Variants in JAK2 observed in about 807,000 individuals in gnomAD.
JAK2 encodes the protein Janus kinase 2.
JAK2 carries 86 observed loss-of-function variants against 139.3 expected under a neutral mutation model. The ratio of observed to expected loss-of-function variants is 0.62; its 90% CI spans 0.52 to 0.74. JAK2 has a LOEUF of 0.74. Ranked by LOEUF, JAK2 falls within the 30% of genes least tolerant of loss-of-function variation. The pLI is 0.00. For synonymous variants in JAK2, 490 were observed against 437.7 expected (o/e 1.12, Z -1.49); for missense variants, 1,421 against 1,360.3 (o/e 1.04, Z -0.70).
At chr9:5,112,720 G>A (rs1290593310) in intron 22 of JAK2, 3 of 802,148 alleles carry the variant, frequency 3.7e-6, no homozygotes, top group Non-Finnish European at 3.7e-6. Context: ...AGCGGAACCT[G>A]AATCCCAAAA....
chr9:5,113,882 A>G (rs1822887414), intron 22 of JAK2: 1 of 211,464 alleles, frequency 4.7e-6, no homozygotes, highest in Admixed American at 5.6e-5. Flanking sequence ...CCCACCGTGA[A>G]GATCTTACAG....
At chr9:5,003,502 T>A (rs1266858809) in intron 2 of JAK2, among the ~76,000 whole-genome samples, 6 of 152,044 alleles carry the variant, frequency 3.9e-5, no homozygotes, top group African/African-American at 1.4e-4. Context: ...TATTTTTAAA[T>A]GTTCATTTAA....
chr9:5,118,940 C>T (rs922084224), intron 22 of JAK2, among the ~76,000 whole-genome samples: 1 of 152,050 alleles, frequency 6.6e-6, no homozygotes, highest in Non-Finnish European at 1.5e-5. Context: ...GAAAAGTATA[C>T]CAAAAAGCTT....
chr9:5,114,514 C>T (rs890913060), intron 22 of JAK2: 19 of 467,776 alleles, frequency 4.1e-5, no homozygotes, highest in East Asian at 2.7e-4. Flanking sequence ...GTGTTTGCAA[C>T]GCTAGAAGAG....
Position 5,126,925 on chromosome 9 carries a change from T to C in JAK2, c.*134T>C. The C allele has an allele frequency of 4.2e-6, 2 of 476,958 alleles. No homozygotes were observed. Among genetic ancestry groups the C allele is most frequent in the Non-Finnish European group, 7.1e-6 (2 of 279,844 alleles). 29.5% of individuals were successfully genotyped at this position (476,958 alleles called of 1,614,324 possible). A position where few individuals can be genotyped will look rare whatever the true frequency, so the allele number is the denominator to read the frequency against. ...GCTAGCCAGCAAAGATGTGAAAATA[T>C]CTGCTCAAAACTTTCAAAGTTTAGT... On this transcript the variant is annotated 3_prime_UTR_variant, in exon 25 of 25. Coordinates refer to ENST00000381652, the MANE Select transcript of JAK2 (RefSeq NM_004972.4).
intron 2 of JAK2, among the ~76,000 whole-genome samples, chr9:4,992,102 T>C (rs1391379367): frequency 6.6e-6 from 1 of 152,180 alleles, no homozygotes; most frequent in East Asian, 1.9e-4. Flanking sequence ...TTGGGAAGAA[T>C]TGCCAGCCAG....
rs139087749 is a variant in JAK2 at position 5,022,172 on chromosome 9, A to G, written c.185A>G (p.Tyr62Cys). The change falls in exon 3 of 25, where the codon TAT becomes TGT. Residue 62 changes from tyrosine (Y) to cysteine (C), a missense_variant. By Grantham distance (194) the Tyr-to-Cys change is radical. Transcript: ENST00000381652. ...ADYLTFPSGE[Y>C]VAEEICIAAS... The stretch of plus-strand genomic sequence containing the variant: ...TATCTGACCTTTCCATCTGGGGAGT[A>G]TGTTGCAGAAGAAATCTGTATTGCT... 2 of 1,614,180 alleles carry G rather than the reference A, an allele frequency of 1.2e-6. No homozygotes were observed. The highest frequency in any genetic ancestry group is 2.2e-5 in the East Asian group (1 of 44,886).
chr9:5,010,493 A>G lies in JAK2; in HGVS notation c.-25-11470A>G, dbSNP rs1280324387. On this transcript the variant is annotated intron_variant, in intron 2 of 24. Coordinates refer to ENST00000381652, the MANE Select transcript of JAK2 (RefSeq NM_004972.4). Reference sequence around the variant, plus strand: ...GTACCACTATGCCCGGCTAATTTTTATATTTTTAGTACAGACAGGGTTTCA... The same window carrying G: ...GTACCACTATGCCCGGCTAATTTTTGTATTTTTAGTACAGACAGGGTTTCA... 2.0e-5 allele frequency among the ~76,000 whole-genome samples: 3 copies of G among 151,818 alleles called. No individual in the cohort carries two copies. In the East Asian group the frequency reaches 5.8e-4, roughly 30 times the overall value.
rs16922602 is a variant in JAK2 at position 5,080,718 on chromosome 9, T to C, written c.2434+35T>C. On this transcript the variant is annotated intron_variant, in intron 18 of 24. Coordinates refer to ENST00000381652, the MANE Select transcript of JAK2 (RefSeq NM_004972.4). ...TGAATGATCTTATTGATTTTCCAGC[T>C]TTCTATCTTTATTGTATTTAATGAA... 1.8e-3 allele frequency: 2,593 copies of C among 1,458,324 alleles called. 34 individuals carry two copies. In the African/African-American group the frequency reaches 0.034, roughly 19 times the overall value. The allele number at this position is 1,458,324 out of a possible 1,614,324, so 90.3% of individuals were successfully genotyped here.
intron 2 of JAK2, among the ~76,000 whole-genome samples, chr9:4,997,488 G>A (rs1252684529): frequency 6.6e-6 from 1 of 152,148 alleles, no homozygotes; most frequent in Non-Finnish European, 1.5e-5. Context: ...AATCTTGCAA[G>A]AACTCAGTAT....
intron 22 of JAK2, 134 bp downstream of exon 22, chr9:5,091,045 C>T: frequency 9.4e-6 from 5 of 529,236 alleles, no homozygotes; most frequent in South Asian, 3.0e-5. Flanking sequence ...TTACATTTAA[C>T]TTTTTTTTTT....
chr9:5,039,385 T>C (rs904999456), intron 4 of JAK2, among the ~76,000 whole-genome samples: 4 of 152,150 alleles, frequency 2.6e-5, no homozygotes, highest in African/African-American at 9.6e-5. Flanking sequence ...ATTTACATTG[T>C]ATTAGGTATT....
intron 22 of JAK2, 186 bp downstream of exon 22, chr9:5,091,097 C>T: frequency 2.1e-6 from 1 of 466,466 alleles, no homozygotes; most frequent in Non-Finnish European, 3.8e-6. Context: ...GGGAAAATGG[C>T]ATATGCTTTA....
chr9:5,070,104 C>A (rs1163116689), intron 12 of JAK2, 52 bp downstream of exon 12: 5 of 1,316,874 alleles, frequency 3.8e-6, no homozygotes, highest in Non-Finnish European at 5.3e-6. Flanking sequence ...AAAACAACAT[C>A]TGTTTTCTTG....
At chr9:5,041,776 AG>A (rs1816552326) in intron 4 of JAK2, 1 of 488,102 alleles carries the variant, frequency 2.0e-6, no homozygotes, top group Admixed American at 2.3e-5. Context: ...CTGCCCTCCC[AG>A]CCTCAGCTTC....
At chr9:5,124,736 A>G (rs1470333468) in intron 23 of JAK2, among the ~76,000 whole-genome samples, 1 of 151,670 alleles carries the variant, frequency 6.6e-6, no homozygotes, top group Non-Finnish European at 1.5e-5. Context: ...ACAGAATAGA[A>G]AACCCAGAAA....
At chr9:5,036,878 A>G (rs1816077823) in intron 4 of JAK2, among the ~76,000 whole-genome samples, 1 of 152,230 alleles carries the variant, frequency 6.6e-6, no homozygotes. Context: ...TCATTAAACC[A>G]AAGAGCTTCT....
At chr9:5,057,580 C>CTTTTT (rs541931562) in intron 8 of JAK2, among the ~76,000 whole-genome samples, 38 of 116,760 alleles carry the variant, frequency 3.3e-4, no homozygotes, top group Non-Finnish European at 5.7e-4. Context: ...ATTCTACTTT[C>CTTTTT]TTTTTTTTTT....
chr9:5,100,583 A>AC (rs1019047060), intron 22 of JAK2: 1 of 151,982 alleles, frequency 6.6e-6, no homozygotes, highest in African/African-American at 2.4e-5. Flanking sequence ...GAGGACACTG[A>AC]CCCCCCAACA....
Sources: gnomAD v4.1 joint callset for allele counts (sites outside exome capture counted in the v4.1 genomes callset) on GRCh38, gnomAD v4.1.1 for gene constraint, MANE v1.5 for transcripts, NCBI Gene and HGNC (gene_info 2026-07-23, HGNC 2026-07-21) for gene names.